The following HECW2 variants were observed in gnomAD, a reference collection of about 807,000 sequenced individuals.
HECW2 encodes HECT, C2 and WW domain containing E3 ubiquitin protein ligase 2.
In HECW2, 61 loss-of-function variants were observed where a neutral mutation model predicts 175.2. That is an observed-to-expected ratio of 0.35 (90% CI 0.28 to 0.43). HECW2 has a LOEUF of 0.43. Among genes scored for constraint, HECW2 ranks in the 20% least tolerant of loss-of-function variants. HECW2 has a pLI of 1.00. For synonymous variants in HECW2, 671 were observed against 731.0 expected, an observed-to-expected ratio of 0.92 and a Z score of 1.32; for missense variants, 1,524 against 2,000.5, an observed-to-expected ratio of 0.76 and a Z score of 4.54.
chr2:196,494,417 G>A (rs1167882419), intron 1 of HECW2, among the ~76,000 whole-genome samples: 1 of 152,170 alleles, frequency 6.6e-6, no homozygotes, highest in Non-Finnish European at 1.5e-5. Context: ...CAGGTAACAG[G>A]GAAGATGATA....
intron 17 of HECW2, among the ~76,000 whole-genome samples, chr2:196,264,852 A>T (rs905606537): frequency 6.6e-5 from 10 of 152,236 alleles, no homozygotes; most frequent in African/African-American, 1.9e-4. Flanking sequence ...GAAGTCATAG[A>T]ATAGATGACA....
At chr2:196,489,846 C>T (rs1687125478) in intron 1 of HECW2, among the ~76,000 whole-genome samples, 2 of 152,196 alleles carry the variant, frequency 1.3e-5, no homozygotes, top group South Asian at 4.1e-4. Context: ...CTGCAGAGAA[C>T]ACTACAGAGA....
In HECW2 at chr2:196,320,586, C is replaced by T. The variant is rs1239027609; in HGVS notation, c.885-147G>A. ...TTAAAGGCTCAAAGCCCATTATAGT[C>T]CAATGTAATATTATTCATTCATACA... On this transcript the variant is annotated intron_variant, in intron 7 of 28. Transcript: ENST00000644978. 3.0e-4 allele frequency: 159 copies of T among 531,320 alleles called. No homozygotes were observed. In the East Asian group the frequency reaches 4.4e-3, roughly 15 times the overall value. 32.9% of individuals were successfully genotyped at this position (531,320 alleles called of 1,614,324 possible). A position where few individuals can be genotyped will look rare whatever the true frequency, so the allele number is the denominator to read the frequency against.
At chr2:196,444,959 T>G (rs1696142565) in intron 1 of HECW2, among the ~76,000 whole-genome samples, 1 of 152,222 alleles carries the variant, frequency 6.6e-6, no homozygotes, top group Non-Finnish European at 1.5e-5. Context: ...TCTGTTACCC[T>G]TGCAAATGCT....
chr2:196,466,511 A>G (rs1696960409), intron 1 of HECW2, among the ~76,000 whole-genome samples: 1 of 152,228 alleles, frequency 6.6e-6, no homozygotes, highest in African/African-American at 2.4e-5. Flanking sequence ...CCCAGCCCTC[A>G]GGGCACTTCC....
At chr2:196,337,279 C>T (rs1331087169) in intron 3 of HECW2, among the ~76,000 whole-genome samples, 1 of 151,262 alleles carries the variant, frequency 6.6e-6, no homozygotes, top group Non-Finnish European at 1.5e-5. Flanking sequence ...GCTTCTGTTG[C>T]ACCTACAATG....
At chr2:196,208,482 C>T (rs148784409) in intron 28 of HECW2, among the ~76,000 whole-genome samples, 17 of 152,220 alleles carry the variant, frequency 1.1e-4, no homozygotes, top group Middle Eastern at 3.4e-3. Flanking sequence ...GGATTATACT[C>T]CAGAGGAGGA....
At chr2:196,274,934 AAG>A (rs1689885865) in intron 15 of HECW2, among the ~76,000 whole-genome samples, 1 of 152,368 alleles carries the variant, frequency 6.6e-6, no homozygotes, top group East Asian at 1.9e-4. Context: ...ACAGCAGTAT[AAG>A]AGAGAATAAG....
chr2:196,491,597 TAC>T (rs1411262104), intron 1 of HECW2, among the ~76,000 whole-genome samples: 2 of 151,428 alleles, frequency 1.3e-5, no homozygotes, highest in African/African-American at 2.4e-5. Context: ...TGTGTATATA[TAC>T]ATATATATTA....
intron 3 of HECW2, among the ~76,000 whole-genome samples, chr2:196,339,476 T>C (rs1021260903): frequency 1.3e-5 from 2 of 152,188 alleles, no homozygotes; most frequent in African/African-American, 4.8e-5. Context: ...ATTCAGTACA[T>C]AGCAATGTAG....
chr2:196,393,124 T>C (rs1456731530), intron 2 of HECW2, among the ~76,000 whole-genome samples: 4 of 152,198 alleles, frequency 2.6e-5, no homozygotes, highest in African/African-American at 9.7e-5. Context: ...ATCCCTTCCT[T>C]ACACCTTATA....
intron 1 of HECW2, among the ~76,000 whole-genome samples, chr2:196,576,811 C>T (rs1052916446): frequency 6.6e-6 from 1 of 152,026 alleles, no homozygotes; most frequent in Admixed American, 6.6e-5. Context: ...AAATTATACA[C>T]ATTATAAATA....
chr2:196,314,432 T>TGTA (rs1489264105), intron 10 of HECW2, among the ~76,000 whole-genome samples: 5 of 152,214 alleles, frequency 3.3e-5, no homozygotes, highest in African/African-American at 4.8e-5. Context: ...TTTACATTCA[T>TGTA]CTACCCACAC....
chr2:196,229,508 T>C (rs1270953010), intron 21 of HECW2, among the ~76,000 whole-genome samples: 2 of 151,964 alleles, frequency 1.3e-5, no homozygotes, highest in Non-Finnish European at 2.9e-5. Context: ...GAGACCCCCG[T>C]CTCTACAAAA....
intron 2 of HECW2, among the ~76,000 whole-genome samples, chr2:196,396,026 T>C (rs777418297): frequency 2.6e-5 from 4 of 152,214 alleles, no homozygotes; most frequent in Non-Finnish European, 5.9e-5. Flanking sequence ...CAATGGAACA[T>C]GATCCAATCT....
Position 196,554,474 on chromosome 2 carries a change from A to G in HECW2, c.-36+39034T>C, listed in dbSNP as rs1473347866. On this transcript the variant is annotated intron_variant, in intron 1 of 28. Transcript: ENST00000644978. ...TGAAAAAACTGAAGAAACATCTACT[A>G]ACTAAATGTTAGTAAAACTAAAACT... 2.0e-5 allele frequency among the ~76,000 whole-genome samples: 3 copies of G among 152,238 alleles called. No individual in the cohort carries two copies. In the South Asian group the frequency reaches 6.2e-4, roughly 32 times the overall value.
intron 19 of HECW2, among the ~76,000 whole-genome samples, chr2:196,244,295 A>G (rs2105890098): frequency 6.6e-6 from 1 of 152,258 alleles, no homozygotes; most frequent in African/African-American, 2.4e-5. Flanking sequence ...ACAAAGCTAT[A>G]CCCCTGGGGC....
chr2:196,485,757 G>A (rs185922763), intron 1 of HECW2, among the ~76,000 whole-genome samples: 1 of 152,194 alleles, frequency 6.6e-6, no homozygotes, highest in East Asian at 1.9e-4. Context: ...ATAAGATGAT[G>A]TATCACCATA....
chr2:196,560,983 G>C (rs1689981802), intron 1 of HECW2, among the ~76,000 whole-genome samples: 1 of 151,986 alleles, frequency 6.6e-6, no homozygotes, highest in African/African-American at 2.4e-5. Context: ...ATGAAACCTG[G>C]GCACCTTGAA....
Sources: allele counts gnomAD v4.1 joint callset (sites outside exome capture counted in the v4.1 genomes callset), GRCh38; gene constraint gnomAD v4.1.1; transcripts MANE v1.5; gene names NCBI Gene and HGNC (gene_info 2026-07-23, HGNC 2026-07-21).